Variants in PKD2 observed in about 807,000 individuals in gnomAD.
PKD2 encodes polycystin-2.
Under a neutral mutation model 105.9 loss-of-function variants are expected in PKD2, and 48 were observed. The observed-to-expected ratio is 0.45, with a 90% CI of 0.36 to 0.58. PKD2 has a LOEUF of 0.58. Among genes scored for constraint, PKD2 ranks in the 20% least tolerant of loss-of-function variants. PKD2 has a pLI of 0.00. For synonymous variants in PKD2, 464 were observed against 481.1 expected (o/e 0.96, Z 0.46); for missense variants, 1,078 against 1,255.3 (o/e 0.86, Z 2.13).
chr4:88,064,799 G>A (rs1045370020), intron 10 of PKD2, among the ~76,000 whole-genome samples: 3 of 152,044 alleles, frequency 2.0e-5, no homozygotes, highest in Admixed American at 6.5e-5. Flanking sequence ...GGCTGAGTTG[G>A]GAAAATCACT....
At chr4:88,052,643 C>T (rs1034440878) in intron 7 of PKD2, among the ~76,000 whole-genome samples, 3 of 152,176 alleles carry the variant, frequency 2.0e-5, no homozygotes, top group African/African-American at 7.2e-5. Context: ...CATACTTCTG[C>T]TATCTGAATT....
intron 13 of PKD2, among the ~76,000 whole-genome samples, chr4:88,070,493 A>G (rs538183340): frequency 1.3e-5 from 2 of 150,380 alleles, no homozygotes; most frequent in East Asian, 2.0e-4. Flanking sequence ...TGTATCTTCA[A>G]GTTCACTGAC....
chr4:88,059,144 AT>A (rs975543232), intron 9 of PKD2, among the ~76,000 whole-genome samples: 1 of 151,882 alleles, frequency 6.6e-6, no homozygotes, highest in Non-Finnish European at 1.5e-5. Flanking sequence ...TTTAAAAAAA[AT>A]TTTTTTTCCG....
intron 10 of PKD2, among the ~76,000 whole-genome samples, chr4:88,063,691 A>C (rs1327160680): frequency 6.6e-6 from 1 of 152,164 alleles, no homozygotes; most frequent in Non-Finnish European, 1.5e-5. Context: ...CGATCATTCA[A>C]GAGATCCAGA....
chr4:88,011,840 C>G (rs1183716690), intron 1 of PKD2, among the ~76,000 whole-genome samples: 1 of 129,316 alleles, frequency 7.7e-6, no homozygotes, highest in African/African-American at 3.0e-5. Context: ...GGCTTCAGAA[C>G]TTAGTCTTAT....
intron 13 of PKD2, among the ~76,000 whole-genome samples, chr4:88,070,597 T>TAGAG (rs1359028384): frequency 0.014 from 1,434 of 98,954 alleles, 9 homozygotes; most frequent in Middle Eastern, 0.029. Flanking sequence ...TATATATATA[T>TAGAG]ATATAGAGAG....
rs1726673129 is a variant in PKD2, at chr4:88,019,438, T to C, written c.596-20T>C. The C allele has an allele frequency of 8.5e-7, 1 of 1,182,490 alleles. No individual in the cohort carries two copies. Among genetic ancestry groups the C allele is most frequent in the Admixed American group, 1.7e-5 (1 of 59,182 alleles). 73.2% of individuals were successfully genotyped at this position (1,182,490 alleles called of 1,614,324 possible). A position where few individuals can be genotyped will look rare whatever the true frequency, so the allele number is the denominator to read the frequency against. On this transcript the variant is annotated intron_variant, in intron 1 of 14. Transcript: ENST00000237596. ...TTAAATAAAATGATATCTTTTCTTT[T>C]CTTCATTATTATTTTAAAGGTCTCT... is the stretch of plus-strand genomic sequence containing the variant.
chr4:88,050,380 C>T (rs1261069000), intron 6 of PKD2, among the ~76,000 whole-genome samples: 3 of 152,246 alleles, frequency 2.0e-5, no homozygotes, highest in Middle Eastern at 6.8e-3. Context: ...CAAATCTCTG[C>T]CCTCCCAATT....
chr4:88,038,646 C>G, intron 4 of PKD2, 145 bp downstream of exon 4: 2 of 821,866 alleles, frequency 2.4e-6, no homozygotes, highest in Non-Finnish European at 4.1e-6. Flanking sequence ...TAAACCTTGG[C>G]CAACTTGACC....
chr4:88,074,936 A>G lies in PKD2; in HGVS notation c.2647A>G (p.Arg883Gly). Residue 883 changes from arginine to glycine, a missense_variant, in exon 14 of 15, where the codon AGG (arginine) becomes GGG (glycine). This residue lies in a region of PKD2 where 868 missense variants were observed against 1,067.3 expected (regional missense o/e 0.81). Transcript: ENST00000237596. ...ACTGAAGAGGAGGGAGGTGCTGGGA[A>G]GGCTGTTGGATGGGGTGGCCGAGGT... is the stretch of plus-strand genomic sequence containing the variant. ...AKLKRREVLG[R>G]LLDGVAEDER... is the part of the protein sequence containing the mutation. The G allele has an allele frequency of 6.2e-7, 1 of 1,614,186 alleles. No homozygotes were observed. The highest frequency in any genetic ancestry group is 8.5e-7 in the Non-Finnish European group (1 of 1,180,012).
At position 88,075,889 on chromosome 4, in the gene PKD2, T is replaced by C; in HGVS notation, c.*195T>C. 1 of 600,758 alleles carries C rather than the reference T, an allele frequency of 1.7e-6. No homozygotes were observed. The highest frequency in any genetic ancestry group is 2.9e-6 in the Non-Finnish European group (1 of 340,522). The allele number at this position is 600,758 out of a possible 1,614,324, so 37.2% of individuals were successfully genotyped here. A position where few individuals can be genotyped will look rare whatever the true frequency, so the allele number is the denominator to read the frequency against. ...CAAAGATTTTTTTTTCTTTTTCTCA[T>C]ATAAGAAATCTAGGTGTAAATATTG... On this transcript the variant is annotated 3_prime_UTR_variant, in exon 15 of 15. Transcript: ENST00000237596.
chr4:88,021,001 A>G (rs1303372227), intron 2 of PKD2, among the ~76,000 whole-genome samples: 4 of 152,108 alleles, frequency 2.6e-5, no homozygotes, highest in Non-Finnish European at 5.9e-5. Context: ...TGATATTTTT[A>G]TGTTTTAAAT....
chr4:88,012,620 G>A (rs2728115), intron 1 of PKD2, among the ~76,000 whole-genome samples: 119,292 of 152,094 alleles, frequency 0.78, 46,929 homozygotes, highest in African/African-American at 0.84. Flanking sequence ...AGTGACATTA[G>A]GTAGATTTAT....
intron 14 of PKD2, 46 bp downstream of exon 14, chr4:88,075,005 T>C: frequency 1.2e-6 from 2 of 1,601,132 alleles, no homozygotes; most frequent in Non-Finnish European, 1.7e-6. Context: ...CATGGTGTTA[T>C]TAATGAAAAT....
intron 13 of PKD2, 96 bp from the exon 14 acceptor site, chr4:88,074,716 T>G (rs1721166586): frequency 7.6e-7 from 1 of 1,316,044 alleles, no homozygotes; most frequent in Admixed American, 1.7e-5. Context: ...TTGTGTTGCT[T>G]AAGAAAAAAA....
At chr4:88,064,607 C>G (rs72873491) in intron 10 of PKD2, among the ~76,000 whole-genome samples, 2,153 of 152,192 alleles carry the variant, frequency 0.014, 57 homozygotes, top group African/African-American at 0.049. Context: ...AATGAAAAAT[C>G]CTCGGCCAGG....
At chr4:88,015,087 G>A (rs1726513669) in intron 1 of PKD2, among the ~76,000 whole-genome samples, 1 of 152,230 alleles carries the variant, frequency 6.6e-6, no homozygotes, top group Non-Finnish European at 1.5e-5. Context: ...GGGAAGGTTA[G>A]TGTGAGGTGA....
At chr4:88,011,269 A>C (rs1489928432) in intron 1 of PKD2, among the ~76,000 whole-genome samples, 2 of 151,902 alleles carry the variant, frequency 1.3e-5, no homozygotes, top group Admixed American at 1.3e-4. Context: ...GTTTTTCTGA[A>C]TGTATCAACC....
At position 88,044,110 on chromosome 4, in the gene PKD2, C is replaced by T. The variant is rs370383026; in HGVS notation, c.1319+653C>T. 7.2e-4 allele frequency among the ~76,000 whole-genome samples: 109 copies of T among 152,240 alleles called. 4 individuals are homozygous for T. Among genetic ancestry groups the T allele is most frequent in the South Asian group, 3.5e-3 (17 of 4,816 alleles). ...CTTAATATGGGCTAGGCATTGTTCT[C>T]GGCTCTTGGGACATGTCAGCAAACA... On this transcript the variant is annotated intron_variant, in intron 5 of 14. Coordinates refer to ENST00000237596, the MANE Select transcript of PKD2 (RefSeq NM_000297.4).
Sources: gnomAD v4.1 joint callset for allele counts (sites outside exome capture counted in the v4.1 genomes callset) on GRCh38, gnomAD v4.1.1 for gene constraint, gnomAD v4.1.1 regional missense constraint, MANE v1.5 for transcripts, NCBI Gene and HGNC (gene_info 2026-07-23, HGNC 2026-07-21) for gene names.